The following WWOX variants were observed in gnomAD, a reference collection of about 807,000 sequenced individuals.
WWOX encodes the protein WW domain containing oxidoreductase.
A neutral mutation model predicts 46.2 loss-of-function variants in WWOX; 69 were observed. The ratio of observed to expected loss-of-function variants is 1.49; its 90% CI spans 1.23 to 1.82. The LOEUF is 1.82. WWOX is among the 40% of genes most tolerant of loss of function. The pLI, the probability that WWOX is intolerant of heterozygous loss-of-function variation, is 0.00. For synonymous variants in WWOX, 359 were observed against 202.6 expected (o/e 1.77, Z -6.56); for missense variants, 919 against 542.6 (o/e 1.69, Z -6.89).
chr16:78,102,053 C>T (rs1567569221), intron 1 of WWOX, among the ~76,000 whole-genome samples: 1 of 152,050 alleles, frequency 6.6e-6, no homozygotes, highest in Non-Finnish European at 1.5e-5. Flanking sequence ...GTTGAGTACC[C>T]GGGACCACAG....
intron 8 of WWOX, among the ~76,000 whole-genome samples, chr16:78,837,899 T>C (rs1401907078): frequency 6.6e-6 from 1 of 152,172 alleles, no homozygotes; most frequent in Admixed American, 6.5e-5. Context: ...ATTTTACAGA[T>C]GAGAAAATGG....
At chr16:78,288,023 C>G (rs1028062749) in intron 5 of WWOX, among the ~76,000 whole-genome samples, 1 of 152,024 alleles carries the variant, frequency 6.6e-6, no homozygotes, top group African/African-American at 2.4e-5. Context: ...CCTAAGATTC[C>G]CTAACATTTT....
intron 6 of WWOX, among the ~76,000 whole-genome samples, chr16:78,407,432 A>T (rs534815821): frequency 1.1e-4 from 16 of 152,330 alleles, no homozygotes; most frequent in Non-Finnish European, 2.1e-4. Context: ...AGCCACAATT[A>T]TCTTAACATT....
chr16:78,613,192 C>G (rs902673210), intron 8 of WWOX, among the ~76,000 whole-genome samples: 1 of 152,158 alleles, frequency 6.6e-6, no homozygotes, highest in Non-Finnish European at 1.5e-5. Flanking sequence ...TGCCCATCAC[C>G]CCGATCACAT....
chr16:79,044,929 G>C lies in WWOX; in HGVS notation c.1057-166679G>C, dbSNP rs1236098653. ...CTAATGCTAGTGCTCATTTCATAGA[G>C]TTGCTACAATAATCAATGAGATAAT... is the stretch of plus-strand genomic sequence containing the variant. On this transcript the variant is annotated intron_variant, in intron 8 of 8. Transcript: ENST00000566780. 2.0e-5 allele frequency among the ~76,000 whole-genome samples: 3 copies of C among 152,160 alleles called. No individual in the cohort carries two copies. In the East Asian group the frequency reaches 5.8e-4, roughly 29 times the overall value.
At chr16:78,550,802 G>C (rs2044155359) in intron 8 of WWOX, 5 of 152,164 alleles carry the variant, frequency 3.3e-5, no homozygotes, top group Admixed American at 3.3e-4. Flanking sequence ...AAAGTCAGGA[G>C]TGTGGAATGA....
chr16:78,880,415 G>A (rs2044319357), intron 8 of WWOX, among the ~76,000 whole-genome samples: 2 of 152,194 alleles, frequency 1.3e-5, no homozygotes, highest in African/African-American at 2.4e-5. Context: ...TTACAAAAAT[G>A]AGTTACAAAT....
In WWOX at chr16:79,211,666, GAGGGATGTACT is replaced by G; in HGVS notation, c.1116_1126del (p.Gly373GlnfsTer152). On this transcript the variant is annotated frameshift_variant, in exon 9 of 9. Coordinates refer to ENST00000566780, the MANE Select transcript of WWOX (RefSeq NM_016373.4). LOFTEE classifies it high-confidence loss of function. ...GCTGTCCCAGAACTGGAGGGTCTGG[GAGGGATGTACT>G]TCAACAACTGCTGCCGCTGCATGCC... 6.2e-7 allele frequency: 1 copy of G among 1,614,208 alleles called. No homozygotes were observed. The highest frequency in any genetic ancestry group is 1.3e-5 in the African/African-American group (1 of 75,056).
chr16:78,669,476 C>G (rs963897988), intron 8 of WWOX, among the ~76,000 whole-genome samples: 2 of 152,180 alleles, frequency 1.3e-5, no homozygotes, highest in Non-Finnish European at 2.9e-5. Flanking sequence ...CTACTGTCAT[C>G]TAATGGGTCA....
chr16:78,699,999 C>T (rs140657412), intron 8 of WWOX, among the ~76,000 whole-genome samples: 5 of 151,858 alleles, frequency 3.3e-5, no homozygotes, highest in African/African-American at 7.3e-5. Context: ...TGGCTGGGGA[C>T]GCAGAGGGTC....
intron 8 of WWOX, among the ~76,000 whole-genome samples, chr16:78,925,769 T>C (rs2045483365): frequency 6.6e-6 from 1 of 152,198 alleles, no homozygotes; most frequent in South Asian, 2.1e-4. Flanking sequence ...TGTTTGTTCT[T>C]GCAGGGTGAG....
At chr16:78,691,990 T>A (rs1348762861) in intron 8 of WWOX, among the ~76,000 whole-genome samples, 2 of 152,206 alleles carry the variant, frequency 1.3e-5, no homozygotes, top group Non-Finnish European at 2.9e-5. Flanking sequence ...CCGCTTTTGC[T>A]TCTTCCTCAT....
chr16:79,022,544 C>G (rs747324326), intron 8 of WWOX, among the ~76,000 whole-genome samples: 4 of 152,124 alleles, frequency 2.6e-5, no homozygotes, highest in Middle Eastern at 3.2e-3. Flanking sequence ...TGCTCATTCT[C>G]TTTCCAATAA....
Position 78,816,502 on chromosome 16 carries a change from C to CTTTTTTTTTT in WWOX, c.1056+383771_1056+383780dup, listed in dbSNP as rs55814418. On this transcript the variant is annotated intron_variant, in intron 8 of 8. Coordinates refer to ENST00000566780, the MANE Select transcript of WWOX (RefSeq NM_016373.4). ...ATCTACCAGACAAGAAGGAGCCACTCTTTTTTTTTTTTTTTTTTTTTTTTT... is the reference window on the plus strand; with the variant it reads ...ATCTACCAGACAAGAAGGAGCCACTCTTTTTTTTTTTTTTTTTTTTTTTTTTTTTTTTTTT... Among the ~76,000 whole-genome samples the CTTTTTTTTTT allele has an allele frequency of 7.6e-4, 32 of 42,092 alleles. 3 individuals are homozygous for CTTTTTTTTTT. The highest frequency in any genetic ancestry group is 4.5e-3 in the South Asian group (4 of 884). 27.6% of individuals were successfully genotyped at this position (42,092 alleles called of 152,430 possible).
At chr16:78,961,601 A>C (rs1001330458) in intron 8 of WWOX, among the ~76,000 whole-genome samples, 3 of 151,874 alleles carry the variant, frequency 2.0e-5, no homozygotes, top group African/African-American at 7.3e-5. Context: ...GGGATAAATG[A>C]AAGGCTTGTT....
chr16:78,684,817 G>A (rs2047817649), intron 8 of WWOX, among the ~76,000 whole-genome samples: 1 of 152,150 alleles, frequency 6.6e-6, no homozygotes, highest in South Asian at 2.1e-4. Context: ...TTTCAGTGAA[G>A]CAGTTATAGC....
chr16:78,403,709 A>G (rs1021169030), intron 6 of WWOX, among the ~76,000 whole-genome samples: 1 of 152,224 alleles, frequency 6.6e-6, no homozygotes, highest in Non-Finnish European at 1.5e-5. Context: ...GGCTCCCCAG[A>G]TTGTCCCACA....
intron 8 of WWOX, among the ~76,000 whole-genome samples, chr16:78,817,612 A>G (rs1389556290): frequency 6.6e-6 from 1 of 152,154 alleles, no homozygotes; most frequent in Non-Finnish European, 1.5e-5. Context: ...AATTATGTCA[A>G]CAAGTAGTTC....
chr16:79,010,700 C>T (rs74032493), intron 8 of WWOX, among the ~76,000 whole-genome samples: 10,773 of 151,732 alleles, frequency 0.071, 870 homozygotes, highest in African/African-American at 0.2. Flanking sequence ...GGCTTCCAGG[C>T]AGAGGAGGTT....
Sources: allele counts gnomAD v4.1 joint callset (sites outside exome capture counted in the v4.1 genomes callset), GRCh38; gene constraint gnomAD v4.1.1; transcripts MANE v1.5; gene names NCBI Gene and HGNC (gene_info 2026-07-23, HGNC 2026-07-21).